PDE7B: variants seen among roughly 807,000 people sequenced by gnomAD.
PDE7B encodes 3',5'-cyclic-AMP phosphodiesterase 7B.
A neutral mutation model predicts 56.2 loss-of-function variants in PDE7B; 29 were observed. The observed-to-expected ratio is 0.52, with a 90% CI of 0.38 to 0.70. PDE7B has a LOEUF of 0.70. PDE7B is among the 30% of genes least tolerant of loss of function. The pLI is 0.00. For synonymous variants in PDE7B, 197 were observed against 196.9 expected (o/e 1.00, Z 0.00); for missense variants, 490 against 565.0 (o/e 0.87, Z 1.35).
At chr6:135,935,602 T>G (rs1268991409) in intron 1 of PDE7B, among the ~76,000 whole-genome samples, 1 of 152,152 alleles carries the variant, frequency 6.6e-6, no homozygotes, top group Non-Finnish European at 1.5e-5. Context: ...ATGAATGAAC[T>G]ATACAGAAAG....
At chr6:136,025,513 A>G (rs1776137148) in intron 2 of PDE7B, among the ~76,000 whole-genome samples, 1 of 152,200 alleles carries the variant, frequency 6.6e-6, no homozygotes, top group Non-Finnish European at 1.5e-5. Context: ...AAGTAGTTGA[A>G]GATCCTAAAT....
intron 3 of PDE7B, among the ~76,000 whole-genome samples, chr6:136,110,047 C>T (rs1777716053): frequency 6.6e-6 from 1 of 152,136 alleles, no homozygotes; most frequent in African/African-American, 2.4e-5. Flanking sequence ...CCTTGAGAGG[C>T]CAATAGTAGG....
At chr6:135,964,260 C>T (rs1774956092) in intron 2 of PDE7B, among the ~76,000 whole-genome samples, 2 of 152,010 alleles carry the variant, frequency 1.3e-5, no homozygotes, top group South Asian at 4.2e-4. Flanking sequence ...CACACCACCA[C>T]ACCCGGCTAA....
At chr6:136,052,617 G>GCCCCCCCCCCCCCCCCCCC (rs11400308) in intron 2 of PDE7B, among the ~76,000 whole-genome samples, 3 of 142,786 alleles carry the variant, frequency 2.1e-5, no homozygotes, top group African/African-American at 2.7e-5. Flanking sequence ...TTAGGGTACA[G>GCCCCCCCCCCCCCCCCCCC]CCCCCCCCCA....
intron 1 of PDE7B, among the ~76,000 whole-genome samples, chr6:135,892,975 C>A (rs1775834920): frequency 6.6e-6 from 1 of 152,134 alleles, no homozygotes; most frequent in Non-Finnish European, 1.5e-5. Context: ...TTTGAATCCA[C>A]ATGGCATTGA....
chr6:136,186,047 T>G (rs1179112624), intron 11 of PDE7B, among the ~76,000 whole-genome samples: 1 of 151,836 alleles, frequency 6.6e-6, no homozygotes, highest in Non-Finnish European at 1.5e-5. Flanking sequence ...AATTGTGGGT[T>G]TTGCCACGGA....
chr6:135,892,478 G>A (rs1775826253), intron 1 of PDE7B, among the ~76,000 whole-genome samples: 1 of 152,102 alleles, frequency 6.6e-6, no homozygotes, highest in South Asian at 2.1e-4. Flanking sequence ...CCTATAATCT[G>A]AGTTCTATTC....
intron 7 of PDE7B, among the ~76,000 whole-genome samples, chr6:136,154,456 A>T (rs1778574796): frequency 6.6e-6 from 1 of 151,530 alleles, no homozygotes; most frequent in Non-Finnish European, 1.5e-5. Flanking sequence ...GGCAATCTAC[A>T]TCTTAGATAC....
At chr6:135,919,655 C>T (rs1774027966) in intron 1 of PDE7B, among the ~76,000 whole-genome samples, 1 of 152,172 alleles carries the variant, frequency 6.6e-6, no homozygotes, top group African/African-American at 2.4e-5. Flanking sequence ...ACTGCATGGG[C>T]AGAAGCAGCA....
intron 2 of PDE7B, among the ~76,000 whole-genome samples, chr6:136,059,735 C>G (rs1276890083): frequency 3.9e-5 from 6 of 152,174 alleles, no homozygotes; most frequent in African/African-American, 7.2e-5. Context: ...GTTTTCATGA[C>G]TACTTCACAT....
intron 1 of PDE7B, among the ~76,000 whole-genome samples, chr6:135,941,390 T>C (rs568916919): frequency 6.6e-6 from 1 of 152,374 alleles, no homozygotes; most frequent in African/African-American, 2.4e-5. Flanking sequence ...GCATTCAGTG[T>C]TTAGTTCCCA....
chr6:135,931,961 A>G (rs1026881802), intron 1 of PDE7B, among the ~76,000 whole-genome samples: 40 of 97,034 alleles, frequency 4.1e-4, no homozygotes, highest in African/African-American at 8.6e-4. Flanking sequence ...GCGCACACAC[A>G]CACACACACA....
chr6:136,175,753 C>T (rs185831067), intron 9 of PDE7B, among the ~76,000 whole-genome samples: 1 of 152,182 alleles, frequency 6.6e-6, no homozygotes, highest in East Asian at 1.9e-4. Flanking sequence ...TTTCCAATAT[C>T]CCAAACTTTG....
chr6:136,047,554 T>G (rs938314745), intron 2 of PDE7B: 1 of 152,180 alleles, frequency 6.6e-6, no homozygotes, highest in African/African-American at 2.4e-5. Flanking sequence ...TTTGAAAAAT[T>G]TTTGAAAATG....
At chr6:135,957,493 T>C (rs905352680) in intron 2 of PDE7B, among the ~76,000 whole-genome samples, 1 of 152,162 alleles carries the variant, frequency 6.6e-6, no homozygotes. Context: ...CCCTTTATTC[T>C]CCTTAACTGC....
At chr6:135,896,850 C>T (rs1173365682) in intron 1 of PDE7B, among the ~76,000 whole-genome samples, 1 of 152,158 alleles carries the variant, frequency 6.6e-6, no homozygotes, top group Non-Finnish European at 1.5e-5. Flanking sequence ...CCAGCTCCAT[C>T]TCTGACCCTC....
At chr6:136,152,160 T>C (rs1778531690) in intron 6 of PDE7B, among the ~76,000 whole-genome samples, 1 of 152,060 alleles carries the variant, frequency 6.6e-6, no homozygotes, top group Non-Finnish European at 1.5e-5. Context: ...ACCCATGTTC[T>C]CAAGGGTCAA....
intron 2 of PDE7B, among the ~76,000 whole-genome samples, chr6:136,033,791 T>G (rs1776282326): frequency 6.6e-6 from 1 of 152,198 alleles, no homozygotes; most frequent in Non-Finnish European, 1.5e-5. Flanking sequence ...TTGGACTGTA[T>G]AGAACCAAGT....
At chr6:136,096,987 C>G (rs2128216715) in intron 2 of PDE7B, among the ~76,000 whole-genome samples, 2 of 152,256 alleles carry the variant, frequency 1.3e-5, no homozygotes, top group Non-Finnish European at 2.9e-5. Flanking sequence ...AAACCTCTCC[C>G]TTGCTCTTGA....
Sources: gnomAD v4.1 joint callset for allele counts (sites outside exome capture counted in the v4.1 genomes callset) on GRCh38, gnomAD v4.1.1 for gene constraint, MANE v1.5 for transcripts, NCBI Gene and HGNC (gene_info 2026-07-23, HGNC 2026-07-21) for gene names.